Variants in RAB2B observed in about 807,000 individuals in gnomAD.
The protein encoded by RAB2B is ras-related protein Rab-2B.
In RAB2B, 20 loss-of-function variants were observed where a neutral mutation model predicts 29.8. That is an observed-to-expected ratio of 0.67 (90% CI 0.47 to 0.97). The LOEUF is 0.97. Among genes scored for constraint, RAB2B ranks in the 50% least tolerant of loss-of-function variants. RAB2B has a pLI of 0.00. For missense variants in RAB2B, 218 were observed against 272.0 expected (o/e 0.80, Z 1.40); for synonymous variants, 93 against 91.7 (o/e 1.01, Z -0.08).
In RAB2B at chr14:21,468,654, A is replaced by T. The variant is rs1469014755; in HGVS notation, c.269+16T>A. 2 of 1,539,562 alleles carry T rather than the reference A, an allele frequency of 1.3e-6. No homozygotes were observed. The highest frequency in any genetic ancestry group is 1.7e-6 in the Non-Finnish European group (2 of 1,146,436). On this transcript the variant is annotated intron_variant, in intron 4 of 7. Coordinates refer to ENST00000397762, the MANE Select transcript of RAB2B (RefSeq NM_032846.4). ...TTAGGGAAGAATCTCCCTCCCATGC[A>T]CCAGATCTGGCTCACCTTGTAATGT...
chr14:21,476,384 C>T (rs1252670128), intron 2 of RAB2B, 144 bp downstream of exon 2: 2 of 772,888 alleles, frequency 2.6e-6, no homozygotes, highest in Admixed American at 2.5e-5. Context: ...TTTCATTGGT[C>T]ACTTCATTAA....
At chr14:21,465,779 C>T (rs1890671686) in intron 5 of RAB2B, among the ~76,000 whole-genome samples, 1 of 152,204 alleles carries the variant, frequency 6.6e-6, no homozygotes, top group Admixed American at 6.5e-5. Context: ...CTGGTCCCTA[C>T]CTACTTTTCC....
rs1359258859 is a variant in RAB2B, at chr14:21,474,694, A to G, written c.186+173T>C. 7 of 587,836 alleles carry G rather than the reference A, an allele frequency of 1.2e-5. No individual in the cohort carries two copies. The African/African-American group carries it at 1.3e-4, about 11-fold the overall frequency. 36.4% of individuals were successfully genotyped at this position (587,836 alleles called of 1,614,324 possible). A position where few individuals can be genotyped will look rare whatever the true frequency, so the allele number is the denominator to read the frequency against. On this transcript the variant is annotated intron_variant, in intron 3 of 7. Coordinates refer to ENST00000397762, the MANE Select transcript of RAB2B (RefSeq NM_032846.4). ...CTTGGATCGTTTACAACACAAAGAT[A>G]CAGCATCCAGAATTTGTAACTGTAA...
chr14:21,470,517 T>G (rs929899671), intron 3 of RAB2B, among the ~76,000 whole-genome samples: 2 of 152,142 alleles, frequency 1.3e-5, no homozygotes, highest in African/African-American at 4.8e-5. Flanking sequence ...TAGAAACATG[T>G]GAGTGAGTTG....
intron 5 of RAB2B, among the ~76,000 whole-genome samples, chr14:21,465,683 T>C (rs1890670067): frequency 6.6e-6 from 1 of 152,182 alleles, no homozygotes; most frequent in Admixed American, 6.6e-5. Flanking sequence ...TTATTATTTT[T>C]AATCCCCCAT....
intron 5 of RAB2B, among the ~76,000 whole-genome samples, chr14:21,464,168 G>A (rs1329887184): frequency 5.3e-5 from 8 of 152,208 alleles, no homozygotes; most frequent in South Asian, 2.1e-4. Context: ...TTGGGATGCC[G>A]AGGCAGGTGG....
intron 3 of RAB2B, 195 bp downstream of exon 3, chr14:21,474,672 G>T: frequency 1.9e-6 from 1 of 530,830 alleles, no homozygotes; most frequent in Non-Finnish European, 3.4e-6. Flanking sequence ...ACTATTACTT[G>T]GATCGTTTAC....
intron 5 of RAB2B, among the ~76,000 whole-genome samples, chr14:21,466,380 G>A (rs1189405610): frequency 6.6e-6 from 1 of 152,154 alleles, no homozygotes; most frequent in East Asian, 1.9e-4. Flanking sequence ...CCAGCTACTC[G>A]GGAGACTGAG....
At position 21,470,460 on chromosome 14, in the gene RAB2B, T is replaced by A. The variant is rs1483176946; in HGVS notation, c.187-1708A>T. Among the ~76,000 whole-genome samples the A allele has an allele frequency of 3.9e-5, 6 of 152,132 alleles. No homozygotes were observed. In the East Asian group the frequency reaches 5.8e-4, roughly 15 times the overall value. Reference sequence around the variant, plus strand: ...GAAGAGAATTCCAGTATACTAACTCTAAGGTTAATTTTCCAACAACAGAAG... The same window carrying A: ...GAAGAGAATTCCAGTATACTAACTCAAAGGTTAATTTTCCAACAACAGAAG... On this transcript the variant is annotated intron_variant, in intron 3 of 7. Coordinates refer to ENST00000397762, the MANE Select transcript of RAB2B (RefSeq NM_032846.4).
At chr14:21,474,612 C>T in intron 3 of RAB2B, 1 of 427,004 alleles carries the variant, frequency 2.3e-6, no homozygotes, top group South Asian at 3.5e-5. Context: ...GGGACATTTA[C>T]TTTCTATTCT....
chr14:21,465,552 T>C (rs796783877), intron 5 of RAB2B, among the ~76,000 whole-genome samples: 8 of 152,330 alleles, frequency 5.3e-5, no homozygotes, highest in African/African-American at 1.7e-4. Context: ...TTCTTTCTCA[T>C]GTGGACTATT....
At chr14:21,476,694 C>T (rs1890981793) in intron 1 of RAB2B, 95 bp from the exon 2 acceptor site, 1 of 1,596,682 alleles carries the variant, frequency 6.3e-7, no homozygotes. Context: ...TCCCGAGCCC[C>T]GCCCCCGGCC....
intron 6 of RAB2B, 117 bp from the exon 7 acceptor site, chr14:21,462,535 GACAGTAAAAA>G (rs1356822320): frequency 9.7e-7 from 1 of 1,025,986 alleles, no homozygotes; most frequent in Non-Finnish European, 1.4e-6. Context: ...ACCATTAGAA[GACAGTAAAAA>G]ACATAGAAGG....
intron 3 of RAB2B, among the ~76,000 whole-genome samples, chr14:21,472,151 T>G (rs1300982753): frequency 6.6e-6 from 1 of 152,148 alleles, no homozygotes; most frequent in Non-Finnish European, 1.5e-5. Flanking sequence ...AAAAAAAAAT[T>G]TTAATTGCAT....
chr14:21,461,707 A>G (rs759505493), intron 7 of RAB2B, among the ~76,000 whole-genome samples: 5 of 152,114 alleles, frequency 3.3e-5, no homozygotes, highest in Non-Finnish European at 5.9e-5. Context: ...CAGCCTCCCA[A>G]GTAGCTGAGA....
At chr14:21,474,989 G>T in intron 2 of RAB2B, 55 bp from the exon 3 acceptor site, 1 of 1,444,250 alleles carries the variant, frequency 6.9e-7, no homozygotes, top group Non-Finnish European at 9.7e-7. Flanking sequence ...CAGCCACGTG[G>T]AGTGGGAGGT....
In RAB2B at chr14:21,468,271, T is replaced by G. The variant is rs1890729083; in HGVS notation, c.362+86A>C. On this transcript the variant is annotated intron_variant, in intron 5 of 7. Transcript: ENST00000397762. ...TTTTTTACTGAAACACTAAGACCAC[T>G]ATAAACTGAGAAAGTTTGGGGATCA... is the stretch of plus-strand genomic sequence containing the variant. 16 of 1,080,956 alleles carry G rather than the reference T, an allele frequency of 1.5e-5. No homozygotes were observed. In the South Asian group the frequency reaches 2.1e-4, roughly 14 times the overall value. 67.0% of individuals were successfully genotyped at this position (1,080,956 alleles called of 1,614,324 possible).
intron 5 of RAB2B, among the ~76,000 whole-genome samples, chr14:21,465,637 C>G (rs930703968): frequency 6.6e-6 from 1 of 152,200 alleles, no homozygotes; most frequent in Non-Finnish European, 1.5e-5. Flanking sequence ...CACTTCTCTA[C>G]TTAAAACTTT....
At chr14:21,469,946 CTTT>C (rs768032520) in intron 3 of RAB2B, among the ~76,000 whole-genome samples, 2 of 137,834 alleles carry the variant, frequency 1.5e-5, no homozygotes, top group African/African-American at 6.0e-5. Context: ...TTATTATTCC[CTTT>C]TTTTTTTTCT....
Sources: gnomAD v4.1 joint callset for allele counts (sites outside exome capture counted in the v4.1 genomes callset) on GRCh38, gnomAD v4.1.1 for gene constraint, MANE v1.5 for transcripts, NCBI Gene and HGNC (gene_info 2026-07-23, HGNC 2026-07-21) for gene names.